PLCB1: variants seen among roughly 807,000 people sequenced by gnomAD.
PLCB1 encodes 1-phosphatidylinositol 4,5-bisphosphate phosphodiesterase beta-1.
PLCB1 carries 46 observed loss-of-function variants against 161.8 expected under a neutral mutation model. The observed-to-expected ratio is 0.28, with a 90% CI of 0.22 to 0.36. The LOEUF is 0.36. Among genes scored for constraint, PLCB1 ranks in the 10% least tolerant of loss-of-function variants. The pLI, the probability that PLCB1 is intolerant of heterozygous loss-of-function variation, is 1.00. For synonymous variants in PLCB1, 517 were observed against 503.7 expected (o/e 1.03, Z -0.35); for missense variants, 1,016 against 1,472.5 (o/e 0.69, Z 5.07).
intron 3 of PLCB1, among the ~76,000 whole-genome samples, chr20:8,473,652 T>G (rs1654549935): frequency 6.6e-6 from 1 of 152,166 alleles, no homozygotes; most frequent in Non-Finnish European, 1.5e-5. Flanking sequence ...GAAGTAAATA[T>G]CCATCCAAGC....
chr20:8,360,040 G>A (rs1234278074), intron 2 of PLCB1, among the ~76,000 whole-genome samples: 1 of 152,204 alleles, frequency 6.6e-6, no homozygotes, highest in Non-Finnish European at 1.5e-5. Flanking sequence ...GTAAGAGAGT[G>A]GAGGAAGCAA....
intron 2 of PLCB1, among the ~76,000 whole-genome samples, chr20:8,151,485 G>C (rs2051507567): frequency 6.6e-6 from 1 of 152,084 alleles, no homozygotes. Context: ...GTGTGCCCTG[G>C]AACCATGTGT....
chr20:8,856,089 C>A (rs1465110679), intron 31 of PLCB1, among the ~76,000 whole-genome samples: 1 of 152,120 alleles, frequency 6.6e-6, no homozygotes, highest in Admixed American at 6.5e-5. Context: ...TCATTCTCCA[C>A]CCTCTGCCCT....
chr20:8,283,912 C>T (rs2123289226), intron 2 of PLCB1, among the ~76,000 whole-genome samples: 1 of 152,078 alleles, frequency 6.6e-6, no homozygotes, highest in African/African-American at 2.4e-5. Context: ...TGTTTTTCTA[C>T]TTATAAATTT....
chr20:8,877,384 G>A (rs1987817025), intron 31 of PLCB1, among the ~76,000 whole-genome samples: 2 of 152,230 alleles, frequency 1.3e-5, no homozygotes, highest in African/African-American at 4.8e-5. Context: ...CAGTGGGGCT[G>A]ATGAATGTGA....
intron 2 of PLCB1, among the ~76,000 whole-genome samples, chr20:8,216,331 C>T (rs1156870132): frequency 6.6e-6 from 1 of 152,050 alleles, no homozygotes; most frequent in Non-Finnish European, 1.5e-5. Flanking sequence ...AGCTCAAATG[C>T]TATGGTCATT....
At chr20:8,497,604 A>G (rs1444427954) in intron 3 of PLCB1, among the ~76,000 whole-genome samples, 1 of 152,152 alleles carries the variant, frequency 6.6e-6, no homozygotes, top group African/African-American at 2.4e-5. Flanking sequence ...TTTGACCATA[A>G]AATAGATTGG....
At chr20:8,618,058 T>C (rs1418110009) in intron 3 of PLCB1, among the ~76,000 whole-genome samples, 3 of 152,180 alleles carry the variant, frequency 2.0e-5, no homozygotes, top group African/African-American at 7.2e-5. Context: ...TTTCATGCAT[T>C]AAATATCTTC....
chr20:8,560,165 C>A (rs1332947363), intron 3 of PLCB1, among the ~76,000 whole-genome samples: 2 of 151,970 alleles, frequency 1.3e-5, no homozygotes, highest in Non-Finnish European at 1.5e-5. Flanking sequence ...TGGAGTGAGG[C>A]CCTAAGACCT....
intron 31 of PLCB1, among the ~76,000 whole-genome samples, chr20:8,856,691 G>GA (rs900292409): frequency 1.8e-4 from 27 of 152,216 alleles, no homozygotes; most frequent in African/African-American, 4.3e-4. Context: ...TGAAGAGTTA[G>GA]AAAATATGCT....
At chr20:8,517,218 A>G (rs1048875964) in intron 3 of PLCB1, among the ~76,000 whole-genome samples, 1 of 152,206 alleles carries the variant, frequency 6.6e-6, no homozygotes, top group African/African-American at 2.4e-5. Context: ...GGGGGCCTGC[A>G]TGGTGAGCCT....
At chr20:8,781,789 G>C (rs1015305856) in intron 27 of PLCB1, among the ~76,000 whole-genome samples, 3 of 152,174 alleles carry the variant, frequency 2.0e-5, no homozygotes, top group Non-Finnish European at 4.4e-5. Context: ...AAGAGAACTT[G>C]TGCAGGGAAA....
At chr20:8,651,585 G>A (rs1039383030) in intron 7 of PLCB1, 31 of 695,982 alleles carry the variant, frequency 4.5e-5, no homozygotes, top group Admixed American at 3.8e-4. Context: ...TCCTGTCCCC[G>A]ACTTCAACAA....
intron 12 of PLCB1, among the ~76,000 whole-genome samples, chr20:8,715,136 G>T (rs1370120332): frequency 6.6e-6 from 1 of 152,110 alleles, no homozygotes; most frequent in African/African-American, 2.4e-5. Context: ...ATAACTATTG[G>T]AAATCAAGTT....
intron 2 of PLCB1, among the ~76,000 whole-genome samples, chr20:8,217,033 G>A (rs1432915202): frequency 6.6e-6 from 1 of 152,082 alleles, no homozygotes; most frequent in Non-Finnish European, 1.5e-5. Context: ...TTCTCTATAT[G>A]ATTTCAGTCT....
chr20:8,457,221 G>A (rs1380191126), intron 3 of PLCB1, among the ~76,000 whole-genome samples: 1 of 152,152 alleles, frequency 6.6e-6, no homozygotes, highest in Non-Finnish European at 1.5e-5. Context: ...CTCTACCTGG[G>A]ACATGGTGCA....
At chr20:8,802,953 T>G (rs1984355342) in intron 31 of PLCB1, among the ~76,000 whole-genome samples, 1 of 152,236 alleles carries the variant, frequency 6.6e-6, no homozygotes, top group Non-Finnish European at 1.5e-5. Context: ...CTTGTGATTA[T>G]AAATAAAGCA....
At chr20:8,851,928 A>G (rs1986902326) in intron 31 of PLCB1, among the ~76,000 whole-genome samples, 1 of 152,204 alleles carries the variant, frequency 6.6e-6, no homozygotes, top group African/African-American at 2.4e-5. Context: ...AAAACTGGAA[A>G]CAACCTAAAT....
At chr20:8,236,682 T>C (rs1980345904) in intron 2 of PLCB1, among the ~76,000 whole-genome samples, 1 of 151,924 alleles carries the variant, frequency 6.6e-6, no homozygotes, top group South Asian at 2.1e-4. Context: ...ACAAAACAAT[T>C]CACAAATGCC....
Sources: gnomAD v4.1 joint callset for allele counts (sites outside exome capture counted in the v4.1 genomes callset) on GRCh38, gnomAD v4.1.1 for gene constraint, MANE v1.5 for transcripts, NCBI Gene and HGNC (gene_info 2026-07-23, HGNC 2026-07-21) for gene names.